Variants in PCSK5 observed in about 807,000 individuals in gnomAD.
The protein encoded by PCSK5 is proprotein convertase subtilisin/kexin type 5.
In PCSK5, 129 loss-of-function variants were observed where a neutral mutation model predicts 233.2. That is an observed-to-expected ratio of 0.55 (90% confidence interval 0.48 to 0.64). The LOEUF is 0.64. PCSK5 is among the 30% of genes least tolerant of loss of function. The pLI is 0.00. For synonymous variants in PCSK5, 825 were observed against 879.2 expected (o/e 0.94, Z 1.09); for missense variants, 2,076 against 2,430.1 (o/e 0.85, Z 3.06).
chr9:76,213,286 T>C (rs1208566366), intron 20 of PCSK5, among the ~76,000 whole-genome samples: 1 of 152,224 alleles, frequency 6.6e-6, no homozygotes, highest in African/African-American at 2.4e-5. Flanking sequence ...TTTCAGATAG[T>C]TGAAGTTTTC....
intron 20 of PCSK5, among the ~76,000 whole-genome samples, chr9:76,204,329 G>A (rs1170018715): frequency 6.6e-6 from 1 of 152,148 alleles, no homozygotes; most frequent in Admixed American, 6.5e-5. Context: ...ATGCTCTCCT[G>A]CTAAAACCTG....
At chr9:76,121,438 T>C (rs1462400872) in intron 9 of PCSK5, among the ~76,000 whole-genome samples, 7 of 152,204 alleles carry the variant, frequency 4.6e-5, no homozygotes, top group Non-Finnish European at 1.0e-4. Flanking sequence ...TGTGTATATA[T>C]GTGTGTTCTA....
chr9:76,083,204 C>CAAAAAAAAAAAAAAAAA (rs11324176), intron 7 of PCSK5, among the ~76,000 whole-genome samples: 1 of 75,460 alleles, frequency 1.3e-5, no homozygotes, highest in African/African-American at 5.1e-5. Flanking sequence ...AGCGAGATCT[C>CAAAAAAAAAAAAAAAAA]AAAAAAAAAA....
In PCSK5 at chr9:76,358,660, C is replaced by G; in HGVS notation, c.5402C>G (p.Ala1801Gly). 6.2e-7 allele frequency: 1 copy of G among 1,612,804 alleles called. No individual in the cohort carries two copies. The highest frequency in any genetic ancestry group is 8.5e-7 in the Non-Finnish European group (1 of 1,179,882). The change falls in exon 38 of 38, where the codon GCA becomes GGA. Residue 1801 changes from alanine (A) to glycine (G), a missense_variant. Ala to Gly is a moderately conservative substitution (Grantham distance 60, BLOSUM62 0). Around this residue, in one of 6 missense-constraint regions of PCSK5, gnomAD observed 1,510 missense variants for 1,538.1 expected, o/e 0.98. Coordinates refer to ENST00000674117, the MANE Select transcript of PCSK5 (RefSeq NM_001372043.1). The stretch of plus-strand genomic sequence containing the variant: ...AAATCTCGTGGCCGAGTCCAGCCAG[C>G]AGCAAAGGCCGGCTATGAAAAACTG... Reference protein sequence around the residue: ...WKKSRGRVQPAAKAGYEKLAD... With the variant: ...WKKSRGRVQPGAKAGYEKLAD...
chr9:76,037,582 A>G (rs558690870), intron 5 of PCSK5, among the ~76,000 whole-genome samples: 1 of 152,298 alleles, frequency 6.6e-6, no homozygotes, highest in East Asian at 1.9e-4. Context: ...GGAATCACAT[A>G]AAGTAAAAGA....
intron 24 of PCSK5, among the ~76,000 whole-genome samples, chr9:76,283,950 C>G (rs1050001911): frequency 6.6e-6 from 1 of 152,122 alleles, no homozygotes; most frequent in African/African-American, 2.4e-5. Context: ...TATGTACATG[C>G]GAGTCAGAGA....
At chr9:76,357,785 C>T in intron 37 of PCSK5, among the ~76,000 whole-genome samples, 1 of 152,146 alleles carries the variant, frequency 6.6e-6, no homozygotes, top group Non-Finnish European at 1.5e-5. Flanking sequence ...TTAGTTTCCT[C>T]AAATGTCAAA....
At chr9:76,355,903 C>G (rs771826954) in intron 37 of PCSK5, among the ~76,000 whole-genome samples, 1 of 152,064 alleles carries the variant, frequency 6.6e-6, no homozygotes, top group Non-Finnish European at 1.5e-5. Context: ...GGGGTTTCAC[C>G]ATGTTGGCCA....
At chr9:76,238,664 C>T (rs1296494441) in intron 22 of PCSK5, among the ~76,000 whole-genome samples, 3 of 152,162 alleles carry the variant, frequency 2.0e-5, no homozygotes, top group African/African-American at 7.2e-5. Flanking sequence ...TGTAGTTAAA[C>T]ACAATGTGAA....
intron 24 of PCSK5, among the ~76,000 whole-genome samples, chr9:76,281,941 A>C (rs1205663346): frequency 6.6e-6 from 1 of 151,898 alleles, no homozygotes; most frequent in African/African-American, 2.4e-5. Context: ...GTGCCGTTGC[A>C]CCTGGCCTAA....
intron 20 of PCSK5, among the ~76,000 whole-genome samples, chr9:76,206,680 A>G (rs192748683): frequency 5.9e-4 from 90 of 152,356 alleles, no homozygotes; most frequent in Non-Finnish European, 1.1e-3. Flanking sequence ...GGTGTTTCAC[A>G]TAGCTTTTTG....
chr9:76,139,915 A>G (rs1305284259), intron 10 of PCSK5, among the ~76,000 whole-genome samples: 1 of 152,158 alleles, frequency 6.6e-6, no homozygotes, highest in Non-Finnish European at 1.5e-5. Flanking sequence ...CCTGATAGCA[A>G]ACTCTGCTTG....
intron 5 of PCSK5, among the ~76,000 whole-genome samples, chr9:76,049,254 A>G (rs1829537549): frequency 6.6e-6 from 1 of 152,192 alleles, no homozygotes; most frequent in Admixed American, 6.5e-5. Flanking sequence ...ATAAAAACCC[A>G]TCCCGTAAGT....
chr9:75,911,920 C>T (rs1822755687), intron 1 of PCSK5, among the ~76,000 whole-genome samples: 1 of 152,072 alleles, frequency 6.6e-6, no homozygotes, highest in Non-Finnish European at 1.5e-5. Flanking sequence ...AGCCTAGCTT[C>T]AAGAGGTAGA....
rs139168840 is a variant in PCSK5 at position 75,930,879 on chromosome 9, GT to G, written c.193-1499del. On this transcript the variant is annotated intron_variant, in intron 1 of 37. Coordinates refer to ENST00000674117, the MANE Select transcript of PCSK5 (RefSeq NM_001372043.1). ...TCCTCTGGAATCTTAAAATGGGCCT[GT>G]AAAACCCTCCTTAAAACACTCCTGG... Among the ~76,000 whole-genome samples the G allele has an allele frequency of 4.3e-3, 662 of 152,266 alleles. 3 individuals are homozygous for G. The highest frequency in any genetic ancestry group is 0.014 in the African/African-American group (574 of 41,550).
chr9:75,908,909 A>ATC (rs1564074667), intron 1 of PCSK5, among the ~76,000 whole-genome samples: 1 of 127,794 alleles, frequency 7.8e-6, no homozygotes, highest in Admixed American at 8.7e-5. Context: ...CTATCTATCT[A>ATC]TCTATCTATC....
chr9:76,327,902 G>T (rs933185803), intron 32 of PCSK5, 107 bp from the exon 33 acceptor site: 2 of 760,516 alleles, frequency 2.6e-6, no homozygotes, highest in Non-Finnish European at 2.4e-6. Flanking sequence ...GGAAATCTCC[G>T]GAAGAAATGT....
intron 24 of PCSK5, among the ~76,000 whole-genome samples, chr9:76,278,361 G>T (rs1007054474): frequency 2.0e-5 from 3 of 152,126 alleles, no homozygotes; most frequent in Admixed American, 6.5e-5. Context: ...ATTAGGAAAT[G>T]CCAGGAGACA....
intron 9 of PCSK5, among the ~76,000 whole-genome samples, chr9:76,115,184 A>G (rs564356204): frequency 1.3e-5 from 2 of 152,188 alleles, no homozygotes; most frequent in East Asian, 3.9e-4. Flanking sequence ...CAGTTGTACA[A>G]GAAAGTCTCT....
Sources: gnomAD v4.1 joint callset for allele counts (sites outside exome capture counted in the v4.1 genomes callset) on GRCh38, gnomAD v4.1.1 for gene constraint, gnomAD v4.1.1 regional missense constraint, MANE v1.5 for transcripts, NCBI Gene and HGNC (gene_info 2026-07-23, HGNC 2026-07-21) for gene names.